The following TENM3 variants were observed in gnomAD, a reference collection of about 807,000 sequenced individuals.
TENM3 encodes teneurin transmembrane protein 3, also known as teneurin-3.
In TENM3, 63 loss-of-function variants were observed where a neutral mutation model predicts 255.1. The observed-to-expected ratio is 0.25, with a 90% CI of 0.20 to 0.30. The LOEUF (loss-of-function observed/expected upper bound fraction) is 0.30, where lower values mean the gene tolerates loss of function less well. Among genes scored for constraint, TENM3 ranks in the 10% least tolerant of loss-of-function variants. The probability of loss-of-function intolerance (pLI) is 1.00; values close to 1 mark genes in which losing one functional copy is unlikely to be tolerated. For missense variants in TENM3, 2,929 were observed against 3,461.1 expected (o/e 0.85, Z 3.86); for synonymous variants, 1,306 against 1,322.3 (o/e 0.99, Z 0.27).
the TENM3 span, among the ~76,000 whole-genome samples, chr4:181,500,073 G>A: frequency 6.6e-6 from 1 of 152,082 alleles, no homozygotes; most frequent in Non-Finnish European, 1.5e-5. Context: ...TTGTTGCCCA[G>A]GCTGGAGTGC....
the TENM3 span, among the ~76,000 whole-genome samples, chr4:181,902,116 TACACACAC>T: frequency 8.8e-5 from 13 of 147,780 alleles, no homozygotes; most frequent in East Asian, 2.0e-4. Flanking sequence ...CATGTGAGCA[TACACACAC>T]ACACACACAC....
the TENM3 span, among the ~76,000 whole-genome samples, chr4:181,605,584 G>GAAAGAAAGAAAGAAA: frequency 5.1e-4 from 35 of 69,194 alleles, 5 homozygotes; most frequent in Admixed American, 1.4e-3. Context: ...GAGAAAGAAA[G>GAAAGAAAGAAAGAAA]GAAAGAAAGA....
chr4:181,606,891 C>T, the TENM3 span, among the ~76,000 whole-genome samples: 1 of 152,078 alleles, frequency 6.6e-6, no homozygotes, highest in East Asian at 1.9e-4. Context: ...AGCCCAGGGC[C>T]ATTTGCGGGA....
intron 3 of TENM3, among the ~76,000 whole-genome samples, chr4:182,534,569 A>G (rs532482693): frequency 6.1e-4 from 93 of 152,294 alleles, no homozygotes; most frequent in Admixed American, 2.8e-3. Context: ...TGGTCACTGG[A>G]GTTCATTATT....
chr4:182,652,028 T>TA (rs1163998100), intron 5 of TENM3, among the ~76,000 whole-genome samples: 2 of 152,224 alleles, frequency 1.3e-5, no homozygotes, highest in Non-Finnish European at 2.9e-5. Flanking sequence ...CTCTTAGCCT[T>TA]ACGCATTTGT....
chr4:182,466,520 G>A (rs1051470989), intron 3 of TENM3, among the ~76,000 whole-genome samples: 1 of 151,446 alleles, frequency 6.6e-6, no homozygotes, highest in Admixed American at 6.6e-5. Context: ...TTTTGTGGAG[G>A]TGGGGTCTCC....
At chr4:181,609,636 A>G in the TENM3 span, among the ~76,000 whole-genome samples, 1 of 152,258 alleles carries the variant, frequency 6.6e-6, no homozygotes, top group African/African-American at 2.4e-5. Context: ...GAATGACCAC[A>G]TATGTTGTGC....
intron 22 of TENM3, among the ~76,000 whole-genome samples, chr4:182,763,416 T>C (rs371379020): frequency 6.6e-6 from 1 of 151,950 alleles, no homozygotes; most frequent in Non-Finnish European, 1.5e-5. Context: ...ATACAAAAAA[T>C]TAGCTGGGCG....
the TENM3 span, among the ~76,000 whole-genome samples, chr4:182,036,351 C>T: frequency 4.6e-5 from 7 of 152,070 alleles, no homozygotes; most frequent in African/African-American, 7.2e-5. Context: ...CCACCATGCC[C>T]GGCTAATTTT....
At chr4:182,188,477 C>T (rs149769158) in intron 1 of TENM3, among the ~76,000 whole-genome samples, 1 of 152,254 alleles carries the variant, frequency 6.6e-6, no homozygotes, top group Non-Finnish European at 1.5e-5. Context: ...GTCTAACCTA[C>T]CGTAGATGAA....
rs34627421 is a variant in TENM3 at position 182,174,389 on chromosome 4, CAA to C, written c.-76+29649_-76+29650del. ...ACACAAATCTAAATGTATGTGGCTG[CAA>C]AAAAAAAAAAAAAGCTCTGGATAGC... On this transcript the variant is annotated intron_variant, in intron 1 of 2. Transcript: ENST00000512480. 3.9e-3 allele frequency among the ~76,000 whole-genome samples: 433 copies of C among 110,406 alleles called. 5 individuals are homozygous for C. The highest frequency in any genetic ancestry group is 0.013 in the African/African-American group (381 of 29,920). 72.4% of individuals were successfully genotyped at this position (110,406 alleles called of 152,430 possible). A position where few individuals can be genotyped will look rare whatever the true frequency, so the allele number is the denominator to read the frequency against.
chr4:181,606,027 A>G, the TENM3 span, among the ~76,000 whole-genome samples: 1 of 152,114 alleles, frequency 6.6e-6, no homozygotes, highest in Non-Finnish European at 1.5e-5. Flanking sequence ...TCAGTTCCTC[A>G]TGGTGGTAAA....
chr4:181,934,507 T>C, the TENM3 span, among the ~76,000 whole-genome samples: 1 of 152,182 alleles, frequency 6.6e-6, no homozygotes, highest in Non-Finnish European at 1.5e-5. Context: ...CAAGCCATAA[T>C]GTTTATTAGC....
chr4:181,614,409 A>G, the TENM3 span, among the ~76,000 whole-genome samples: 1 of 152,200 alleles, frequency 6.6e-6, no homozygotes, highest in African/African-American at 2.4e-5. Flanking sequence ...ACCAGACACA[A>G]CCAACCAAAT....
chr4:182,732,100 G>A (rs1271996992), intron 16 of TENM3, among the ~76,000 whole-genome samples: 3 of 151,922 alleles, frequency 2.0e-5, no homozygotes, highest in Admixed American at 2.0e-4. Context: ...ATTTCTTAAA[G>A]ATCTACTCAA....
chr4:181,951,892 G>C, the TENM3 span, among the ~76,000 whole-genome samples: 1 of 152,336 alleles, frequency 6.6e-6, no homozygotes, highest in East Asian at 1.9e-4. Context: ...TGGTAAAAGA[G>C]TTCAGGGAGT....
chr4:181,641,554 GTATATATATATATATATATATATA>G, the TENM3 span, among the ~76,000 whole-genome samples: 20 of 26,910 alleles, frequency 7.4e-4, 1 homozygote, highest in East Asian at 1.2e-3. Flanking sequence ...TGGTGTGTGT[GTATATATATATATATATATATATA>G]TATATATATA....
intron 24 of TENM3, among the ~76,000 whole-genome samples, chr4:182,777,403 T>C (rs1212516128): frequency 1.3e-5 from 2 of 152,104 alleles, no homozygotes; most frequent in Admixed American, 6.6e-5. Flanking sequence ...AGGGGCTATG[T>C]GAACACATCC....
At chr4:181,564,973 C>T in the TENM3 span, among the ~76,000 whole-genome samples, 6 of 152,030 alleles carry the variant, frequency 3.9e-5, no homozygotes, top group African/African-American at 9.7e-5. Context: ...TGTGTCTGGT[C>T]GAATGTGAGA....
Sources: gnomAD v4.1 joint callset for allele counts (sites outside exome capture counted in the v4.1 genomes callset) on GRCh38, gnomAD v4.1.1 for gene constraint, MANE v1.5 for transcripts, NCBI Gene and HGNC (gene_info 2026-07-23, HGNC 2026-07-21) for gene names.